ENO4: variants seen among roughly 807,000 people sequenced by gnomAD.
The protein encoded by ENO4 is 2-phospho-D-glycerate hydro-lyase.
A neutral mutation model predicts 63.2 loss-of-function variants in ENO4; 53 were observed. That is an observed-to-expected ratio of 0.84 (90% confidence interval 0.67 to 1.05). ENO4 has a LOEUF of 1.05. Ranked by LOEUF, ENO4 falls within the 50% of genes least tolerant of loss-of-function variation. The probability of loss-of-function intolerance (pLI) is 0.00; values close to 1 mark genes in which losing one functional copy is unlikely to be tolerated. For synonymous variants in ENO4, 266 were observed against 283.8 expected (o/e 0.94, Z 0.63); for missense variants, 719 against 772.0 (o/e 0.93, Z 0.81).
intron 9 of ENO4, chr10:116,873,749 GTTATTGTCCATC>G: frequency 2.9e-6 from 1 of 347,246 alleles, no homozygotes; most frequent in Middle Eastern, 1.6e-3. Flanking sequence ...GTGAATTTAT[GTTATTGTCCATC>G]TACGCAGGCA....
In ENO4 at chr10:116,879,784, C is replaced by T. The variant is rs931701055; in HGVS notation, c.1606-85C>T. 9 of 1,030,628 alleles carry T rather than the reference C, an allele frequency of 8.7e-6. No individual in the cohort carries two copies. In the Admixed American group the frequency reaches 1.7e-4, roughly 19 times the overall value. The allele number at this position is 1,030,628 out of a possible 1,614,324, so 63.8% of individuals were successfully genotyped here. On this transcript the variant is annotated intron_variant, in intron 12 of 13. Coordinates refer to ENST00000341276, the MANE Select transcript of ENO4 (RefSeq NM_001242699.2). ...GAAAATCCCAAACAGCACACTGTGA[C>T]AGTTTCCTTTGTCTTTAAAGAATTG...
chr10:116,862,976 G>C (rs561488495), intron 7 of ENO4, 124 bp downstream of exon 7: 2 of 726,460 alleles, frequency 2.8e-6, no homozygotes, highest in Non-Finnish European at 4.7e-6. Context: ...ATTGGCTTTG[G>C]GTTTCCCCCA....
intron 8 of ENO4, among the ~76,000 whole-genome samples, chr10:116,869,361 C>G (rs1321223620): frequency 6.6e-6 from 1 of 152,126 alleles, no homozygotes; most frequent in Non-Finnish European, 1.5e-5. Context: ...GAAGAGCATG[C>G]ACATGGGTGA....
intron 1 of ENO4, among the ~76,000 whole-genome samples, chr10:116,851,718 A>G (rs1307038445): frequency 5.9e-5 from 9 of 152,088 alleles, no homozygotes; most frequent in African/African-American, 2.2e-4. Flanking sequence ...CACAGTGCTC[A>G]GCCCCTCCCT....
At chr10:116,881,418 T>C in intron 13 of ENO4, 97 bp from the exon 14 acceptor site, 1 of 924,160 alleles carries the variant, frequency 1.1e-6, no homozygotes, top group Non-Finnish European at 1.6e-6. Context: ...TGTGACACCT[T>C]TGGACTAGTA....
intron 7 of ENO4, among the ~76,000 whole-genome samples, chr10:116,867,583 T>C (rs1263473863): frequency 3.3e-5 from 5 of 152,172 alleles, no homozygotes; most frequent in African/African-American, 1.2e-4. Flanking sequence ...AGTGAGACCC[T>C]GTCTTTAAAA....
intron 9 of ENO4, among the ~76,000 whole-genome samples, chr10:116,873,564 G>A (rs144341827): frequency 6.6e-6 from 1 of 152,258 alleles, no homozygotes; most frequent in African/African-American, 2.4e-5. Context: ...AGAAAGAAAT[G>A]CCTCAAATAA....
At chr10:116,895,241 G>T (rs758631039) in intron 10 of ENO4, among the ~76,000 whole-genome samples, 1 of 151,966 alleles carries the variant, frequency 6.6e-6, no homozygotes, top group South Asian at 2.1e-4. Context: ...TGACTTCTGG[G>T]AAAAAACTAT....
intron 10 of ENO4, among the ~76,000 whole-genome samples, chr10:116,889,593 G>T (rs555177021): frequency 1.3e-5 from 2 of 152,236 alleles, no homozygotes; most frequent in Admixed American, 6.5e-5. Flanking sequence ...GCATGAAGAG[G>T]GGAAGGAACT....
intron 10 of ENO4, chr10:116,911,475 G>A (rs1848191292): frequency 1.3e-6 from 2 of 1,550,228 alleles, no homozygotes. Flanking sequence ...TCATCAACAT[G>A]TACGGACCCT....
intron 2 of ENO4, 67 bp from the exon 3 acceptor site, chr10:116,856,425 G>T (rs1846258850): frequency 7.7e-7 from 1 of 1,293,476 alleles, no homozygotes; most frequent in African/African-American, 1.5e-5. Flanking sequence ...TTAAAAGCTG[G>T]ATTCATTTAA....
In ENO4 at chr10:116,859,148, T is replaced by C; in HGVS notation, c.634+10T>C. 6.6e-7 allele frequency: 1 copy of C among 1,524,924 alleles called. No homozygotes were observed. Among genetic ancestry groups the C allele is most frequent in the Non-Finnish European group, 8.8e-7 (1 of 1,142,046 alleles). The allele number at this position is 1,524,924 out of a possible 1,614,324, so 94.5% of individuals were successfully genotyped here. On this transcript the variant is annotated intron_variant, in intron 4 of 13. Transcript: ENST00000341276. ...AAGGGGCAAAAGCCAGGTTGGTTGGTGACTTATCTTGCAGAGTCGTTAGTA... is the reference window on the plus strand; with the variant it reads ...AAGGGGCAAAAGCCAGGTTGGTTGGCGACTTATCTTGCAGAGTCGTTAGTA...
At chr10:116,870,769 A>G (rs139686485) in intron 8 of ENO4, among the ~76,000 whole-genome samples, 15 of 152,294 alleles carry the variant, frequency 9.8e-5, no homozygotes, top group Non-Finnish European at 1.8e-4. Context: ...CTAGAGACAG[A>G]CAGGGTGGAC....
intron 10 of ENO4, chr10:116,900,515 T>A: frequency 6.6e-7 from 1 of 1,511,422 alleles, no homozygotes; most frequent in Non-Finnish European, 8.9e-7. Flanking sequence ...GAGGAAGGAG[T>A]TGCAGTATTT....
intron 10 of ENO4, among the ~76,000 whole-genome samples, chr10:116,896,165 G>A (rs959345860): frequency 3.9e-5 from 6 of 152,028 alleles, no homozygotes; most frequent in East Asian, 1.9e-4. Flanking sequence ...CATTTCCCCC[G>A]AAAATGCTTT....
chr10:116,891,713 G>T (rs1362125462), intron 10 of ENO4, among the ~76,000 whole-genome samples: 1 of 152,084 alleles, frequency 6.6e-6, no homozygotes, highest in Non-Finnish European at 1.5e-5. Context: ...TTTTTCAGGA[G>T]ATTTTAATAC....
chr10:116,876,277 A>G lies in ENO4; in HGVS notation c.1537+17A>G. 6.6e-7 allele frequency: 1 copy of G among 1,514,282 alleles called. No individual in the cohort carries two copies. Among genetic ancestry groups the G allele is most frequent in the Non-Finnish European group, 8.9e-7 (1 of 1,129,434 alleles). The allele number at this position is 1,514,282 out of a possible 1,614,324, so 93.8% of individuals were successfully genotyped here. ...TGATTGACAGTGAGTAAAAGCATAC[A>G]TCTGAAAGACTCGTAATGACTTGGT... On this transcript the variant is annotated intron_variant, in intron 11 of 13. Coordinates refer to ENST00000341276, the MANE Select transcript of ENO4 (RefSeq NM_001242699.2).
At chr10:116,879,845 A>T (rs750190066) in intron 12 of ENO4, 24 bp from the exon 13 acceptor site, 1 of 1,522,540 alleles carries the variant, frequency 6.6e-7, no homozygotes, top group Admixed American at 2.0e-5. Context: ...CTCCGTCTAA[A>T]ATTAGTTTTT....
At chr10:116,854,904 G>A (rs1189014812) in intron 1 of ENO4, among the ~76,000 whole-genome samples, 2 of 120,936 alleles carry the variant, frequency 1.7e-5, no homozygotes, top group Non-Finnish European at 3.2e-5. Flanking sequence ...TGGTGCCACT[G>A]CTCTCCAGCC....
Sources: allele counts gnomAD v4.1 joint callset (sites outside exome capture counted in the v4.1 genomes callset), GRCh38; gene constraint gnomAD v4.1.1; transcripts MANE v1.5; gene names NCBI Gene and HGNC (gene_info 2026-07-23, HGNC 2026-07-21).